EFNB2: variants seen among roughly 807,000 people sequenced by gnomAD.
The protein encoded by EFNB2 is ephrin-B2.
A neutral mutation model predicts 32.1 loss-of-function variants in EFNB2; 5 were observed. The observed-to-expected ratio is 0.16, with a 90% CI of 0.08 to 0.33. The LOEUF (loss-of-function observed/expected upper bound fraction) is 0.33. Among genes scored for constraint, EFNB2 ranks in the 10% least tolerant of loss-of-function variants. The pLI is 1.00. For synonymous variants in EFNB2, 168 were observed against 166.5 expected, an observed-to-expected ratio of 1.01 and a Z score of -0.07; for missense variants, 263 against 422.6, an observed-to-expected ratio of 0.62 and a Z score of 3.31.
intron 4 of EFNB2, among the ~76,000 whole-genome samples, chr13:106,494,021 C>T (rs1477145541): frequency 3.9e-5 from 6 of 152,224 alleles, no homozygotes; most frequent in African/African-American, 1.4e-4. Context: ...TCACACCGAA[C>T]AGACTGCCAG....
chr13:106,511,898 T>C (rs894715691), intron 2 of EFNB2, among the ~76,000 whole-genome samples: 1 of 152,122 alleles, frequency 6.6e-6, no homozygotes, highest in Admixed American at 6.5e-5. Flanking sequence ...ACGTACCATC[T>C]CTTCTTGAAA....
At position 106,512,666 on chromosome 13, in the gene EFNB2, G is replaced by C. The variant is rs201937680; in HGVS notation, c.269C>G (p.Thr90Ser). 1.9e-6 allele frequency: 3 copies of C among 1,613,788 alleles called. No homozygotes were observed. The highest frequency in any genetic ancestry group is 1.7e-6 in the Non-Finnish European group (2 of 1,179,924). Residue 90 changes from threonine (T) to serine (S), a missense_variant, in exon 2 of 5, where the codon ACT becomes AGT. This residue lies in a region of EFNB2 where 45 missense variants were observed against 128.6 expected (regional missense o/e 0.35). Transcript: ENST00000646441. Reference protein sequence around the residue: ...MVDKDQADRCTIKKENTPLLN... With the variant: ...MVDKDQADRCSIKKENTPLLN... ...GAGAGGGGTATTTTCCTTCTTAATA[G>C]TGCATCTGTCTGCTTGGTCTTTATC... is the stretch of plus-strand genomic sequence containing the variant.
chr13:106,512,499 TATAAA>T (rs1879176703), intron 2 of EFNB2, 25 bp downstream of exon 2: 1 of 1,405,288 alleles, frequency 7.1e-7, no homozygotes, highest in Admixed American at 2.2e-5. Flanking sequence ...TCTTAATTTC[TATAAA>T]ATAAATGAAT....
chr13:106,525,815 G>T (rs1404977191), intron 1 of EFNB2, among the ~76,000 whole-genome samples: 1 of 152,108 alleles, frequency 6.6e-6, no homozygotes, highest in Non-Finnish European at 1.5e-5. Flanking sequence ...GCCTTGTATT[G>T]TTAGAGCCGA....
intron 1 of EFNB2, among the ~76,000 whole-genome samples, chr13:106,534,635 A>G (rs10444605): frequency 0.56 from 84,965 of 150,908 alleles, 24,247 homozygotes; most frequent in East Asian, 0.83. Context: ...GGAAAGGCGG[A>G]GAGACCGTCC....
intron 3 of EFNB2, 124 bp from the exon 4 acceptor site, chr13:106,495,118 G>A (rs985622336): frequency 4.2e-6 from 3 of 720,028 alleles, no homozygotes; most frequent in Non-Finnish European, 7.1e-6. Flanking sequence ...GCAAAGTACT[G>A]TGAAATACAA....
In EFNB2 at chr13:106,535,053, G is replaced by A; in HGVS notation, c.-89C>T. ...GACCCCCAATCCTCCGGGGCAGACT[G>A]GCGGGGAAGACGGCGTGCGCCCGCA... On this transcript the variant is annotated 5_prime_UTR_variant, in exon 1 of 5. Coordinates refer to ENST00000646441, the MANE Select transcript of EFNB2 (RefSeq NM_004093.4). The A allele has an allele frequency of 1.3e-6, 2 of 1,535,704 alleles. No homozygotes were observed. The highest frequency in any genetic ancestry group is 1.7e-6 in the Non-Finnish European group (2 of 1,143,384).
At position 106,494,967 on chromosome 13, in the gene EFNB2, T is replaced by A; in HGVS notation, c.527A>T (p.Asn176Ile). ...TTCTGGACGTCTTGTTGGATCTTTA[T>A]TCCTGGTTGATCCAGCAGAACTTGC... ...QDASSAGSTR[N>I]KDPTRRPELE... The change falls in exon 4 of 5, where the codon AAT (asparagine) becomes ATT (isoleucine). Residue 176 changes from asparagine (N) to isoleucine (I), a missense_variant. By Grantham distance (149) the Asn-to-Ile change is moderately radical. Around this residue, in one of 3 missense-constraint regions of EFNB2, gnomAD observed 172 missense variants for 237.1 expected, o/e 0.73. Transcript: ENST00000646441. 6.2e-7 allele frequency: 1 copy of A among 1,614,144 alleles called. No individual in the cohort carries two copies. Among genetic ancestry groups the A allele is most frequent in the Non-Finnish European group, 8.5e-7 (1 of 1,179,976 alleles).
intron 4 of EFNB2, 104 bp downstream of exon 4, chr13:106,494,777 A>G (rs1594159873): frequency 1.2e-6 from 1 of 828,586 alleles, no homozygotes; most frequent in East Asian, 2.4e-5. Context: ...ACTTCCAGCT[A>G]ATCCTAACTG....
chr13:106,517,811 A>G (rs1594172474), intron 1 of EFNB2: 2 of 152,304 alleles, frequency 1.3e-5, no homozygotes, highest in East Asian at 3.9e-4. Context: ...CAAACTTAAC[A>G]TGACTATGGT....
rs566510000 is a variant in EFNB2, at chr13:106,507,629, A to G, written c.406+4900T>C. On this transcript the variant is annotated intron_variant, in intron 2 of 4. Coordinates refer to ENST00000646441, the MANE Select transcript of EFNB2 (RefSeq NM_004093.4). ...AATTTTACATACTCTTTATTAAAAAAAAAATAAAAAATAAAAAGCTATAGA... is the reference window on the plus strand; with the variant it reads ...AATTTTACATACTCTTTATTAAAAAGAAAATAAAAAATAAAAAGCTATAGA... 7.0e-5 allele frequency among the ~76,000 whole-genome samples: 10 copies of G among 142,206 alleles called. No homozygotes were observed. The South Asian group carries it at 2.1e-3, about 29-fold the overall frequency. The allele number at this position is 142,206 out of a possible 152,430, so 93.3% of individuals were successfully genotyped here.
Position 106,493,419 on chromosome 13 carries a change from G to A in EFNB2, c.623C>T (p.Thr208Ile). Residue 208 changes from threonine (T) to isoleucine (I), a missense_variant, in exon 5 of 5, where the codon ACA (threonine) becomes ATA (isoleucine). Thr to Ile is a moderately conservative substitution (Grantham distance 89, BLOSUM62 -1). Coordinates refer to ENST00000646441, the MANE Select transcript of EFNB2 (RefSeq NM_004093.4). This position sits in a 1 kb window ranked among gnomAD's most constrained non-coding sequence, Gnocchi z 6.1. ...CGAATGTCCGGCGCTGTTGCCGTCT[G>A]TGCTAGAACCTGCAGACGCGGAGAC... ...PFVKPNPGSS[T>I]DGNSAGHSGN... The A allele has an allele frequency of 6.2e-7, 1 of 1,609,942 alleles. No homozygotes were observed. Among genetic ancestry groups the A allele is most frequent in the Non-Finnish European group, 8.5e-7 (1 of 1,176,890 alleles).
chr13:106,530,823 T>A (rs1879847585), intron 1 of EFNB2, among the ~76,000 whole-genome samples: 1 of 152,148 alleles, frequency 6.6e-6, no homozygotes, highest in Non-Finnish European at 1.5e-5. Context: ...ACAGCAAGGA[T>A]TTAGTTGCTC....
intron 1 of EFNB2, among the ~76,000 whole-genome samples, chr13:106,525,483 G>A (rs537100830): frequency 4.6e-5 from 7 of 152,324 alleles, no homozygotes; most frequent in South Asian, 2.1e-4. Flanking sequence ...AGCAATGGCC[G>A]GATGCAGAGA....
At chr13:106,510,403 T>C (rs921902244) in intron 2 of EFNB2, among the ~76,000 whole-genome samples, 1 of 152,248 alleles carries the variant, frequency 6.6e-6, no homozygotes, top group Non-Finnish European at 1.5e-5. Flanking sequence ...TAATGTTTAC[T>C]AAAATTCCAC....
chr13:106,527,207 A>G (rs1879729514), intron 1 of EFNB2, among the ~76,000 whole-genome samples: 1 of 152,206 alleles, frequency 6.6e-6, no homozygotes, highest in South Asian at 2.1e-4. Flanking sequence ...AAAAACTGTA[A>G]TTAAAATTGG....
chr13:106,512,563 T>C lies in EFNB2; in HGVS notation c.372A>G (p.Leu124=). Residue 124 remains leucine (L), a synonymous_variant, in exon 2 of 5, where the codon CTA becomes CTG. Transcript: ENST00000646441. ...FQEFSPNLWG[L]EFQKNKDYYI... is the part of the protein sequence containing the mutation. Reference sequence around the variant, plus strand: ...AATAATCTTTGTTCTTCTGAAATTCTAGACCCCAGAGGTTAGGGCTGAATT... The same window carrying C: ...AATAATCTTTGTTCTTCTGAAATTCCAGACCCCAGAGGTTAGGGCTGAATT... The C allele has an allele frequency of 6.2e-7, 1 of 1,609,994 alleles. No homozygotes were observed. The highest frequency in any genetic ancestry group is 1.1e-5 in the South Asian group (1 of 90,218).
intron 1 of EFNB2, chr13:106,521,247 T>G (rs1879509838): frequency 6.6e-6 from 1 of 152,040 alleles, no homozygotes; most frequent in Non-Finnish European, 1.5e-5. Flanking sequence ...GGGGTACAAT[T>G]CACACCAATG....
chr13:106,528,794 A>C (rs1879783720), intron 1 of EFNB2, among the ~76,000 whole-genome samples: 1 of 152,180 alleles, frequency 6.6e-6, no homozygotes, highest in South Asian at 2.1e-4. Flanking sequence ...GCTTACTTAC[A>C]AGGTTGTTCA....
Sources: gnomAD v4.1 joint callset for allele counts (sites outside exome capture counted in the v4.1 genomes callset) on GRCh38, gnomAD v4.1.1 for gene constraint, gnomAD v4.1.1 regional missense constraint, Gnocchi (gnomAD v3.1) non-coding constraint, MANE v1.5 for transcripts, NCBI Gene and HGNC (gene_info 2026-07-23, HGNC 2026-07-21) for gene names.